PSME4: variants seen among roughly 807,000 people sequenced by gnomAD.
The protein encoded by PSME4 is proteasome activator subunit 4, also known as proteasome activator complex subunit 4.
PSME4 carries 89 observed loss-of-function variants against 253.9 expected under a neutral mutation model. The observed-to-expected ratio is 0.35, with a 90% CI of 0.30 to 0.42. The LOEUF is 0.42. PSME4 is among the 10% of genes least tolerant of loss of function. The pLI is 1.00. For missense variants in PSME4, 2,014 were observed against 2,195.2 expected, an observed-to-expected ratio of 0.92 and a Z score of 1.65; for synonymous variants, 851 against 759.2, an observed-to-expected ratio of 1.12 and a Z score of -1.99.
At position 53,931,851 on chromosome 2, in the gene PSME4, G is replaced by A. The variant is rs376190363; in HGVS notation, c.1300C>T (p.Pro434Ser). Residue 434 changes from proline (P) to serine (S), a missense_variant, in exon 10 of 47, where the codon CCC (proline) becomes TCC (serine). By Grantham distance (74) the Pro-to-Ser change is moderately conservative (BLOSUM62 -1). Coordinates refer to ENST00000404125, the MANE Select transcript of PSME4 (RefSeq NM_014614.3). ...LALMRPELVIPPVLERTYPAL... is the reference protein window; with the variant it reads ...LALMRPELVISPVLERTYPAL... ...ACCACTTACCTTTCAAGTACAGGGG[G>A]TATTACCAATTCAGGTCTCATGAGT... 2 of 1,614,040 alleles carry A rather than the reference G, an allele frequency of 1.2e-6. No individual in the cohort carries two copies. The highest frequency in any genetic ancestry group is 2.7e-5 in the African/African-American group (2 of 74,916).
rs368637104 is a variant in PSME4 at position 53,875,753 on chromosome 2, A to G, written c.4818T>C (p.Ile1606=). 17 of 1,610,726 alleles carry G rather than the reference A, an allele frequency of 1.1e-5. No homozygotes were observed. The highest frequency in any genetic ancestry group is 1.4e-5 in the Non-Finnish European group (16 of 1,178,740). The change falls in exon 42 of 47, where the codon ATT becomes ATC. Residue 1606 remains isoleucine (I), a splice_region_variant and synonymous_variant. Coordinates refer to ENST00000404125, the MANE Select transcript of PSME4 (RefSeq NM_014614.3). ...QLQLLPLFFK[I]APVENDNSYD... ...AGCTATTGTCATTTTCCACTGGGGC[A>G]ATCTAAAAAACAATGTAAAAAGGAC...
rs768498070 is a variant in PSME4, at chr2:53,898,369, T to C, written c.3423-15A>G. 2.4e-5 allele frequency: 37 copies of C among 1,573,660 alleles called. 3 individuals carry two copies. The South Asian group carries it at 4.2e-4, about 18-fold the overall frequency. On this transcript the variant is annotated splice_polypyrimidine_tract_variant and intron_variant, in intron 29 of 46. Coordinates refer to ENST00000404125, the MANE Select transcript of PSME4 (RefSeq NM_014614.3). Reference sequence around the variant, plus strand: ...TTTCATAGTTCCTTTAAAAAAAAGGTGAGGTATTATTTTACTATAATACTA... The same window carrying C: ...TTTCATAGTTCCTTTAAAAAAAAGGCGAGGTATTATTTTACTATAATACTA...
intron 1 of PSME4, among the ~76,000 whole-genome samples, chr2:53,960,007 G>C (rs1021710715): frequency 6.6e-6 from 1 of 152,112 alleles, no homozygotes; most frequent in African/African-American, 2.4e-5. Context: ...CATATATTAA[G>C]TGGTCATTGA....
chr2:53,968,308 T>G (rs1670846893), intron 1 of PSME4, among the ~76,000 whole-genome samples: 1 of 149,660 alleles, frequency 6.7e-6, no homozygotes, highest in Non-Finnish European at 1.5e-5. Context: ...TTTAGTCCAA[T>G]CCCCTCATTT....
intron 3 of PSME4, among the ~76,000 whole-genome samples, chr2:53,947,371 A>C (rs1280440520): frequency 1.3e-5 from 2 of 152,220 alleles, no homozygotes; most frequent in African/African-American, 4.8e-5. Flanking sequence ...AAAAAAGAAA[A>C]AGGAAATTAA....
intron 37 of PSME4, among the ~76,000 whole-genome samples, chr2:53,889,703 T>TA (rs1371110599): frequency 6.6e-6 from 1 of 152,254 alleles, no homozygotes; most frequent in Non-Finnish European, 1.5e-5. Context: ...ATATCTGGTA[T>TA]AAAAAATAAT....
chr2:53,885,771 C>T lies in PSME4; in HGVS notation c.4734G>A (p.Leu1578=). Residue 1578 remains leucine (L), a synonymous_variant, in exon 41 of 47, where the codon TTG becomes TTA. Coordinates refer to ENST00000404125, the MANE Select transcript of PSME4 (RefSeq NM_014614.3). ...TTCCTGCACTTGCCATCAGCCATTT[C>T]AATACTATTTTGAAAACAAAGATGC... The part of the protein sequence containing the change: ...TQGIKLLKTI[L]KWLMASAGRS... 1 of 1,609,082 alleles carries T rather than the reference C, an allele frequency of 6.2e-7. No individual in the cohort carries two copies. The highest frequency in any genetic ancestry group is 8.5e-7 in the Non-Finnish European group (1 of 1,175,952).
intron 27 of PSME4, among the ~76,000 whole-genome samples, chr2:53,903,675 T>C (rs1382725538): frequency 1.3e-5 from 2 of 152,174 alleles, no homozygotes; most frequent in African/African-American, 2.4e-5. Flanking sequence ...GCCAGGCTAC[T>C]TGGCCACTAG....
intron 31 of PSME4, among the ~76,000 whole-genome samples, chr2:53,897,187 T>G (rs1573236391): frequency 7.1e-6 from 1 of 140,792 alleles, no homozygotes; most frequent in Non-Finnish European, 1.5e-5. Context: ...TTTTTTTTTT[T>G]GACAGAGTTT....
intron 10 of PSME4, among the ~76,000 whole-genome samples, chr2:53,929,140 T>G (rs1316788044): frequency 6.8e-6 from 1 of 148,052 alleles, no homozygotes; most frequent in Non-Finnish European, 1.5e-5. Flanking sequence ...CACTCCAGCC[T>G]GGGCGACAGA....
chr2:53,895,788 T>G, intron 32 of PSME4, 52 bp from the exon 33 acceptor site: 3 of 1,471,592 alleles, frequency 2.0e-6, no homozygotes, highest in South Asian at 1.3e-5. Flanking sequence ...CGCCCAACAA[T>G]TATTACCAAA....
intron 36 of PSME4, 77 bp downstream of exon 36, chr2:53,892,730 TA>T: frequency 7.6e-7 from 1 of 1,308,904 alleles, no homozygotes. Flanking sequence ...TATCAGTATC[TA>T]ATGTGTTGGG....
chr2:53,876,170 C>T (rs1679109806), intron 41 of PSME4, among the ~76,000 whole-genome samples: 1 of 152,202 alleles, frequency 6.6e-6, no homozygotes, highest in South Asian at 2.1e-4. Context: ...TGTGTTATTA[C>T]AACTGGTTTT....
chr2:53,960,261 T>C lies in PSME4; in HGVS notation c.242+10282A>G, dbSNP rs1670421184. Among the ~76,000 whole-genome samples the C allele has an allele frequency of 2.6e-5, 4 of 152,060 alleles. No individual in the cohort carries two copies. In the South Asian group the frequency reaches 8.3e-4, roughly 32 times the overall value. Reference sequence around the variant, plus strand: ...TAAAAATACAAAAATCAGCCAGGCATGGTGGCGGGCGCCTGTAATCCTAGC... The same window carrying C: ...TAAAAATACAAAAATCAGCCAGGCACGGTGGCGGGCGCCTGTAATCCTAGC... On this transcript the variant is annotated intron_variant, in intron 1 of 46. Coordinates refer to ENST00000404125, the MANE Select transcript of PSME4 (RefSeq NM_014614.3).
At chr2:53,890,686 T>C (rs1368530688) in intron 36 of PSME4, among the ~76,000 whole-genome samples, 1 of 152,152 alleles carries the variant, frequency 6.6e-6, no homozygotes, top group Non-Finnish European at 1.5e-5. Context: ...TGAAATTTTT[T>C]CCCAAAAAAT....
At chr2:53,880,110 G>A (rs1478008473) in intron 41 of PSME4, among the ~76,000 whole-genome samples, 1 of 152,154 alleles carries the variant, frequency 6.6e-6, no homozygotes, top group African/African-American at 2.4e-5. Context: ...AATAAAAAAT[G>A]AGCAGTATAA....
chr2:53,906,822 A>C lies in PSME4; in HGVS notation c.2831T>G (p.Val944Gly). ...QHIRALLIDR[V>G]MLQHELRTLT... ...CATATTTACCTCATGCTGTAACATT[A>C]CTCTATCAATCAACAGTGCTCTGAT... The change falls in exon 25 of 47, where the codon GTA becomes GGA. Residue 944 changes from valine to glycine, a missense_variant. Around this residue, in one of 4 missense-constraint regions of PSME4, gnomAD observed 989 missense variants for 1,021.1 expected, o/e 0.97. Transcript: ENST00000404125. 6.2e-7 allele frequency: 1 copy of C among 1,613,610 alleles called. No individual in the cohort carries two copies. The highest frequency in any genetic ancestry group is 8.5e-7 in the Non-Finnish European group (1 of 1,179,810).
intron 20 of PSME4, among the ~76,000 whole-genome samples, chr2:53,913,345 G>T (rs947570722): frequency 1.3e-5 from 2 of 152,180 alleles, no homozygotes; most frequent in South Asian, 4.2e-4. Flanking sequence ...ACTATGAAAA[G>T]AATCACTGGT....
intron 1 of PSME4, among the ~76,000 whole-genome samples, chr2:53,956,405 C>T (rs930418567): frequency 1.3e-5 from 2 of 151,588 alleles, no homozygotes; most frequent in Admixed American, 6.6e-5. Flanking sequence ...TGGTTAGTGC[C>T]TATAATCCCA....
Sources: allele counts gnomAD v4.1 joint callset (sites outside exome capture counted in the v4.1 genomes callset), GRCh38; gene constraint gnomAD v4.1.1; regional missense constraint gnomAD v4.1.1; transcripts MANE v1.5; gene names NCBI Gene and HGNC (gene_info 2026-07-23, HGNC 2026-07-21).